Variants in UCHL3 observed in about 807,000 individuals in gnomAD.
UCHL3 encodes the protein ubiquitin carboxyl-terminal hydrolase isozyme L3.
A neutral mutation model predicts 35.8 loss-of-function variants in UCHL3; 22 were observed. That is an observed-to-expected ratio of 0.61 (90% CI 0.44 to 0.88). The LOEUF is 0.88. Ranked by LOEUF, UCHL3 falls within the 40% of genes least tolerant of loss-of-function variation. The pLI, the probability that UCHL3 is intolerant of heterozygous loss-of-function variation, is 0.00. For synonymous variants in UCHL3, 90 were observed against 92.8 expected (o/e 0.97, Z 0.17); for missense variants, 229 against 276.9 (o/e 0.83, Z 1.23).
intron 7 of UCHL3, among the ~76,000 whole-genome samples, chr13:75,601,890 A>C (rs1462485032): frequency 6.6e-6 from 1 of 152,114 alleles, no homozygotes; most frequent in Non-Finnish European, 1.5e-5. Flanking sequence ...TGGGTGGATC[A>C]CAAGGTCAGG....
chr13:75,566,885 C>T (rs752353709), intron 4 of UCHL3, 34 bp downstream of exon 4: 2 of 1,565,356 alleles, frequency 1.3e-6, no homozygotes, highest in Non-Finnish European at 1.7e-6. Flanking sequence ...TTTTTTCCCC[C>T]TTAAGATACA....
At chr13:75,573,611 G>C (rs1048723755) in intron 6 of UCHL3, among the ~76,000 whole-genome samples, 2 of 152,150 alleles carry the variant, frequency 1.3e-5, no homozygotes, top group African/African-American at 4.8e-5. Context: ...TCATATGGAG[G>C]GGGTGTGGAG....
intron 7 of UCHL3, among the ~76,000 whole-genome samples, chr13:75,596,194 GA>G (rs1417679839): frequency 6.6e-6 from 1 of 152,144 alleles, no homozygotes; most frequent in Non-Finnish European, 1.5e-5. Context: ...TTATTAAAAA[GA>G]AATGGCCCTA....
intron 6 of UCHL3, among the ~76,000 whole-genome samples, chr13:75,592,468 G>GTATATATGTATATATAT (rs1201744829): frequency 3.9e-4 from 9 of 23,314 alleles, no homozygotes; most frequent in East Asian, 2.4e-3. Flanking sequence ...ATATATATAT[G>GTATATATGTATATATAT]AAGGAAAAAA....
chr13:75,605,820 A>G lies in UCHL3; in HGVS notation c.*8A>G, dbSNP rs1294666208. On this transcript the variant is annotated 3_prime_UTR_variant, in exon 9 of 9. Transcript: ENST00000377595. The stretch of plus-strand genomic sequence containing the variant: ...GCTCTTTCTGCAGCATAGCTTGTCA[A>G]TAATGGAAACACCAAAAACTGTATT... 1.2e-5 allele frequency: 20 copies of G among 1,613,666 alleles called. No homozygotes were observed. Among genetic ancestry groups the G allele is most frequent in the Non-Finnish European group, 1.3e-5 (15 of 1,179,860 alleles).
intron 3 of UCHL3, among the ~76,000 whole-genome samples, chr13:75,563,516 T>A (rs2031584451): frequency 6.6e-6 from 1 of 152,192 alleles, no homozygotes; most frequent in Non-Finnish European, 1.5e-5. Context: ...TTTTATTGTG[T>A]ATATTTGAAG....
intron 5 of UCHL3, among the ~76,000 whole-genome samples, chr13:75,568,556 A>G (rs890427307): frequency 6.6e-6 from 1 of 151,914 alleles, no homozygotes; most frequent in Non-Finnish European, 1.5e-5. Context: ...TTCACTTATC[A>G]GAAACGTATT....
intron 7 of UCHL3, among the ~76,000 whole-genome samples, chr13:75,596,797 T>C (rs1241569033): frequency 6.6e-6 from 1 of 152,124 alleles, no homozygotes; most frequent in East Asian, 1.9e-4. Flanking sequence ...AGGAAGGACA[T>C]ATATCAAGGG....
Position 75,561,180 on chromosome 13 carries a change from G to C in UCHL3, c.183+299G>C, listed in dbSNP as rs746805420. On this transcript the variant is annotated intron_variant, in intron 3 of 8. Transcript: ENST00000377595. ...CAACTCGGGCTCAAGTGATCCTCCCGCATCGGTCTCCCAAAGTGCTGGGCT... is the reference window on the plus strand; with the variant it reads ...CAACTCGGGCTCAAGTGATCCTCCCCCATCGGTCTCCCAAAGTGCTGGGCT... Among the ~76,000 whole-genome samples the C allele has an allele frequency of 3.3e-5, 5 of 152,070 alleles. No individual in the cohort carries two copies. In the East Asian group the frequency reaches 9.6e-4, roughly 29 times the overall value.
intron 7 of UCHL3, among the ~76,000 whole-genome samples, chr13:75,602,478 G>A (rs1023790221): frequency 2.6e-5 from 4 of 152,344 alleles, no homozygotes; most frequent in Admixed American, 1.3e-4. Context: ...TGTACAAGGT[G>A]CAGCTTTTTC....
chr13:75,552,375 A>G (rs910597235), intron 2 of UCHL3, among the ~76,000 whole-genome samples: 1 of 152,240 alleles, frequency 6.6e-6, no homozygotes, highest in African/African-American at 2.4e-5. Context: ...ATGGAATGGT[A>G]GGATCTTGAA....
intron 2 of UCHL3, among the ~76,000 whole-genome samples, chr13:75,556,816 C>T (rs1295157267): frequency 1.3e-5 from 2 of 152,114 alleles, no homozygotes; most frequent in African/African-American, 4.8e-5. Context: ...AGAAATGAAG[C>T]TGGAAAAGTA....
At chr13:75,576,474 C>T (rs772790477) in intron 6 of UCHL3, among the ~76,000 whole-genome samples, 49 of 152,196 alleles carry the variant, frequency 3.2e-4, no homozygotes, top group Middle Eastern at 3.4e-3. Flanking sequence ...CGTGCCTCAG[C>T]CTCCCAAGTA....
intron 6 of UCHL3, chr13:75,589,908 A>G: frequency 7.8e-7 from 1 of 1,287,982 alleles, no homozygotes. Context: ...ACGTGGTCTA[A>G]GTAAAATATT....
chr13:75,603,043 G>A lies in UCHL3; in HGVS notation c.551-1726G>A, dbSNP rs10162059. Among the ~76,000 whole-genome samples, 1,439 of 152,192 alleles carry A rather than the reference G, an allele frequency of 9.5e-3. 18 individuals are homozygous for A. Among genetic ancestry groups the A allele is most frequent in the African/African-American group, 0.031 (1,302 of 41,484 alleles). On this transcript the variant is annotated intron_variant, in intron 7 of 8. Transcript: ENST00000377595. ...CTCACTTTGTCACCCAGGCTGGAGT[G>A]CAGTGGCATGATCATAGCTTGCTGC...
chr13:75,592,147 A>C (rs547782727), intron 6 of UCHL3, among the ~76,000 whole-genome samples: 1 of 151,908 alleles, frequency 6.6e-6, no homozygotes, highest in African/African-American at 2.4e-5. Context: ...ATTTATATTT[A>C]GTATTTAATT....
At chr13:75,578,550 G>C (rs2032091464) in intron 6 of UCHL3, among the ~76,000 whole-genome samples, 1 of 152,046 alleles carries the variant, frequency 6.6e-6, no homozygotes, top group South Asian at 2.1e-4. Context: ...TTTTACTTCA[G>C]TGGTGACTGC....
intron 3 of UCHL3, among the ~76,000 whole-genome samples, chr13:75,565,410 A>G (rs1347262675): frequency 6.6e-6 from 1 of 152,232 alleles, no homozygotes; most frequent in Admixed American, 6.5e-5. Flanking sequence ...TTGAGCACAG[A>G]TACATTTGTT....
At chr13:75,568,353 T>G (rs913076992) in intron 5 of UCHL3, among the ~76,000 whole-genome samples, 2 of 151,924 alleles carry the variant, frequency 1.3e-5, no homozygotes, top group African/African-American at 4.8e-5. Flanking sequence ...TTTTAAATTG[T>G]TTTTTTCTTT....
Sources: allele counts gnomAD v4.1 joint callset (sites outside exome capture counted in the v4.1 genomes callset), GRCh38; gene constraint gnomAD v4.1.1; transcripts MANE v1.5; gene names NCBI Gene and HGNC (gene_info 2026-07-23, HGNC 2026-07-21).